The following KCNU1 variants were observed in gnomAD, a reference collection of about 807,000 sequenced individuals.
KCNU1 encodes potassium channel subfamily U member 1.
In KCNU1, 93 loss-of-function variants were observed where a neutral mutation model predicts 126.8. The ratio of observed to expected loss-of-function variants is 0.73; its 90% confidence interval spans 0.62 to 0.87. The LOEUF (loss-of-function observed/expected upper bound fraction) is 0.87, where lower values mean the gene tolerates loss of function less well. Among genes scored for constraint, KCNU1 ranks in the 40% least tolerant of loss-of-function variants. KCNU1 has a pLI of 0.00. For missense variants in KCNU1, 1,330 were observed against 1,367.1 expected (o/e 0.97, Z 0.43); for synonymous variants, 523 against 494.2 (o/e 1.06, Z -0.77).
At chr8:36,836,253 G>A (rs1286948846) in intron 12 of KCNU1, 43 bp from the exon 13 acceptor site, 1 of 1,237,164 alleles carries the variant, frequency 8.1e-7, no homozygotes, top group East Asian at 2.3e-5. Flanking sequence ...AAAGCCCTTT[G>A]GCTATGACAC....
intron 1 of KCNU1, among the ~76,000 whole-genome samples, chr8:36,785,023 G>A (rs1178070157): frequency 6.6e-6 from 1 of 152,212 alleles, no homozygotes; most frequent in African/African-American, 2.4e-5. Flanking sequence ...CATGCATAAT[G>A]CATATGTACT....
At chr8:36,888,827 G>A (rs1806830219) in intron 19 of KCNU1, 1 of 505,022 alleles carries the variant, frequency 2.0e-6, no homozygotes, top group Non-Finnish European at 4.1e-6. Flanking sequence ...TTTTATAACA[G>A]GAATGAAGAA....
In KCNU1 at chr8:36,791,797, C is replaced by A. The variant is rs1802912605; in HGVS notation, c.315+4372C>A. ...AAACATAAAACATATTGGAAAAGAT[C>A]AGTCTCTTCATATTTTATATGCATT... On this transcript the variant is annotated intron_variant, in intron 2 of 26. Coordinates refer to ENST00000399881, the MANE Select transcript of KCNU1 (RefSeq NM_001031836.3). Among the ~76,000 whole-genome samples the A allele has an allele frequency of 2.0e-5, 3 of 152,122 alleles. No homozygotes were observed. The South Asian group carries it at 6.2e-4, about 32-fold the overall frequency.
chr8:36,802,008 C>T (rs568810441), intron 2 of KCNU1, among the ~76,000 whole-genome samples: 68 of 148,818 alleles, frequency 4.6e-4, no homozygotes, highest in Non-Finnish European at 9.2e-4. Flanking sequence ...ACTCCGGAGA[C>T]TGAGGCAGGA....
chr8:36,810,774 A>C (rs1051568480), intron 7 of KCNU1, among the ~76,000 whole-genome samples: 1 of 152,218 alleles, frequency 6.6e-6, no homozygotes. Context: ...AAACATTAGC[A>C]TTATAGAAGT....
intron 10 of KCNU1, among the ~76,000 whole-genome samples, chr8:36,825,153 A>C (rs527431581): frequency 6.6e-6 from 1 of 152,260 alleles, no homozygotes; most frequent in East Asian, 1.9e-4. Flanking sequence ...CAGTCTTTTT[A>C]ATCGTAGCCA....
intron 16 of KCNU1, among the ~76,000 whole-genome samples, chr8:36,842,889 C>T (rs965587392): frequency 6.6e-6 from 1 of 152,106 alleles, no homozygotes. Flanking sequence ...CTCTCAAACT[C>T]CTGACCTCAG....
rs1804667801 is a variant in KCNU1, at chr8:36,834,291, C to A, written c.1213-495C>A. Among the ~76,000 whole-genome samples, 7 of 152,282 alleles carry A rather than the reference C, an allele frequency of 4.6e-5. No homozygotes were observed. In the South Asian group the frequency reaches 1.5e-3, roughly 32 times the overall value. On this transcript the variant is annotated intron_variant, in intron 11 of 26. Coordinates refer to ENST00000399881, the MANE Select transcript of KCNU1 (RefSeq NM_001031836.3). ...AATTGACAGACCCAGAAAAATATTT[C>A]TCTTTCCTGCAGTTTAGTACTGTAA...
intron 25 of KCNU1, 93 bp from the exon 26 acceptor site, chr8:36,932,827 A>T: frequency 1.4e-6 from 1 of 712,430 alleles, no homozygotes; most frequent in Non-Finnish European, 2.5e-6. Context: ...CCAAGCTTCT[A>T]CTACCAGATA....
At chr8:36,855,260 C>T (rs1471170675) in intron 18 of KCNU1, among the ~76,000 whole-genome samples, 1 of 151,968 alleles carries the variant, frequency 6.6e-6, no homozygotes, top group Non-Finnish European at 1.5e-5. Flanking sequence ...TTCAGTTTTC[C>T]TTTTATGCTT....
chr8:36,827,219 T>G (rs1804358192), intron 10 of KCNU1, among the ~76,000 whole-genome samples: 1 of 152,228 alleles, frequency 6.6e-6, no homozygotes, highest in South Asian at 2.1e-4. Flanking sequence ...CCAAGCTCAA[T>G]GCTTGAAACT....
intron 19 of KCNU1, among the ~76,000 whole-genome samples, chr8:36,871,894 G>A (rs1465217426): frequency 1.3e-5 from 2 of 152,150 alleles, no homozygotes; most frequent in East Asian, 1.9e-4. Flanking sequence ...AGGCAGGAAT[G>A]AGACCTTGTC....
In KCNU1 at chr8:36,840,565, G is replaced by A. The variant is rs1376852547; in HGVS notation, c.1621G>A (p.Glu541Lys). 17 of 1,600,544 alleles carry A rather than the reference G, an allele frequency of 1.1e-5. No homozygotes were observed. Among genetic ancestry groups the A allele is most frequent in the Non-Finnish European group, 1.4e-5 (16 of 1,168,354 alleles). The change falls in exon 15 of 27, where the codon GAA becomes AAA. Residue 541 changes from glutamate (E) to lysine (K), a missense_variant. Glu to Lys is a moderately conservative substitution (Grantham distance 56). Around this residue, in one of 3 missense-constraint regions of KCNU1, gnomAD observed 1,054 missense variants for 1,053.9 expected, o/e 1.00. Coordinates refer to ENST00000399881, the MANE Select transcript of KCNU1 (RefSeq NM_001031836.3). ...SDDFAGMSFPEVARLCFLKMH... is the reference protein window; with the variant it reads ...SDDFAGMSFPKVARLCFLKMH... ...TGACTTTGCTGGAATGAGCTTTCCTGAAGTTGCCCGGTAAGTGAAGTGAAA... is the reference window on the plus strand; with the variant it reads ...TGACTTTGCTGGAATGAGCTTTCCTAAAGTTGCCCGGTAAGTGAAGTGAAA...
intron 2 of KCNU1, among the ~76,000 whole-genome samples, chr8:36,792,302 T>A (rs1302418623): frequency 6.6e-6 from 1 of 152,168 alleles, no homozygotes; most frequent in Non-Finnish European, 1.5e-5. Flanking sequence ...CATAATTGTA[T>A]CTATAAATAA....
At chr8:36,929,090 A>G in intron 24 of KCNU1, 1 of 679,370 alleles carries the variant, frequency 1.5e-6, no homozygotes, top group Non-Finnish European at 2.7e-6. Context: ...CTGTTGCTGA[A>G]AAAACAATCA....
chr8:36,907,983 T>A (rs1029038577), intron 20 of KCNU1, among the ~76,000 whole-genome samples: 3 of 151,374 alleles, frequency 2.0e-5, no homozygotes, highest in Non-Finnish European at 2.9e-5. Flanking sequence ...AACTCTTTGG[T>A]TTTTTTTTCC....
At chr8:36,854,097 G>A (rs958232094) in intron 18 of KCNU1, among the ~76,000 whole-genome samples, 1 of 152,012 alleles carries the variant, frequency 6.6e-6, no homozygotes, top group Non-Finnish European at 1.5e-5. Flanking sequence ...CAATTTGATT[G>A]GTCATCCTTT....
In KCNU1 at chr8:36,935,540, G is replaced by A. The variant is rs1218396858; in HGVS notation, c.3070G>A (p.Glu1024Lys). ...KRFVITRPAN[E>K]FKLLPSDLVF... ...GTTTGTGATCACCCGGCCAGCCAATGAGTTCAAGCTGCTGCCTTCAGATCT... is the reference window on the plus strand; with the variant it reads ...GTTTGTGATCACCCGGCCAGCCAATAAGTTCAAGCTGCTGCCTTCAGATCT... The change falls in exon 27 of 27, where the codon GAG becomes AAG. Residue 1024 changes from glutamate to lysine, a missense_variant. Physicochemically the swap from Glu to Lys is moderately conservative, Grantham distance 56. Around this residue, in one of 3 missense-constraint regions of KCNU1, gnomAD observed 1,054 missense variants for 1,053.9 expected, o/e 1.00. Transcript: ENST00000399881. The A allele has an allele frequency of 2.5e-6, 4 of 1,604,980 alleles. No individual in the cohort carries two copies. Among genetic ancestry groups the A allele is most frequent in the Non-Finnish European group, 2.6e-6 (3 of 1,174,568 alleles).
intron 16 of KCNU1, among the ~76,000 whole-genome samples, chr8:36,841,565 C>G (rs917746750): frequency 6.6e-6 from 1 of 152,112 alleles, no homozygotes; most frequent in African/African-American, 2.4e-5. Context: ...TGTCGTGCAC[C>G]TGGGCCTGCA....
Sources: gnomAD v4.1 joint callset for allele counts (sites outside exome capture counted in the v4.1 genomes callset) on GRCh38, gnomAD v4.1.1 for gene constraint, gnomAD v4.1.1 regional missense constraint, MANE v1.5 for transcripts, NCBI Gene and HGNC (gene_info 2026-07-23, HGNC 2026-07-21) for gene names.